The following SPAG11B variants were observed in gnomAD, a reference collection of about 807,000 sequenced individuals.
The protein encoded by SPAG11B is sperm associated antigen 11B.
In SPAG11B, 5 loss-of-function variants were observed where a neutral mutation model predicts 8.9. The observed-to-expected ratio is 0.56, with a 90% CI of 0.29 to 1.19. The LOEUF (loss-of-function observed/expected upper bound fraction) is 1.19, where lower values mean the gene tolerates loss of function less well. Ranked by LOEUF, SPAG11B falls within the 50% of genes most tolerant of loss-of-function variation. The pLI, the probability that SPAG11B is intolerant of heterozygous loss-of-function variation, is 0.08. For missense variants in SPAG11B, 38 were observed against 146.4 expected (o/e 0.26, Z 3.82); for synonymous variants, 12 against 53.0 (o/e 0.23, Z 3.36).
intron 2 of SPAG11B, among the ~76,000 whole-genome samples, chr8:7,458,735 G>A (rs1222174301): frequency 2.6e-5 from 3 of 117,192 alleles, no homozygotes; most frequent in Non-Finnish European, 5.1e-5. Flanking sequence ...CTGCAAAGTA[G>A]AGAACAAAAG....
At chr8:7,451,701 G>C (rs544973724) in intron 2 of SPAG11B, among the ~76,000 whole-genome samples, 1 of 112,812 alleles carries the variant, frequency 8.9e-6, no homozygotes, top group South Asian at 3.2e-4. Flanking sequence ...CAGCCTGGAA[G>C]CGTGGAGACC....
At chr8:7,451,755 T>C (rs1467826933) in intron 2 of SPAG11B, among the ~76,000 whole-genome samples, 5 of 151,668 alleles carry the variant, frequency 3.3e-5, no homozygotes, top group African/African-American at 1.2e-4. Context: ...TATGTCTCCT[T>C]AGACAACTCA....
At position 7,450,888 on chromosome 8, in the gene SPAG11B, G is replaced by T; in HGVS notation, c.227C>A (p.Pro76Gln). Residue 76 changes from proline (P) to glutamine (Q), a missense_variant, in exon 3 of 3, where the codon CCG becomes CAG. Coordinates refer to ENST00000398462, the MANE Select transcript of SPAG11B (RefSeq NM_058201.4). The part of the protein sequence containing the change: ...RTPPYQGDVP[P>Q]GIRNTICHMQ... ...ATGGCAGATGGTATTTCTAATTCCC[G>T]GTGGAACATCCCCTATGGATACAAC... The T allele has an allele frequency of 6.4e-7, 1 of 1,551,912 alleles. No homozygotes were observed. Among genetic ancestry groups the T allele is most frequent in the Non-Finnish European group, 8.8e-7 (1 of 1,140,284 alleles).
intron 2 of SPAG11B, among the ~76,000 whole-genome samples, chr8:7,453,393 C>T (rs1416563559): frequency 1.3e-5 from 2 of 149,198 alleles, no homozygotes; most frequent in African/African-American, 2.5e-5. Flanking sequence ...CTCCTATCCC[C>T]CTGGGCTTCA....
At chr8:7,453,540 G>C (rs1197510756) in intron 2 of SPAG11B, among the ~76,000 whole-genome samples, 4 of 148,536 alleles carry the variant, frequency 2.7e-5, no homozygotes, top group Non-Finnish European at 5.9e-5. Context: ...TATATTACTT[G>C]TTATAGCTTG....
At chr8:7,450,093 C>T (rs1392444665), downstream of SPAG11B, among the ~76,000 whole-genome samples, 2 of 125,952 alleles carry the variant, frequency 1.6e-5, no homozygotes, top group Non-Finnish European at 3.4e-5. Flanking sequence ...ACTGAGAATG[C>T]CATTTATGAA....
chr8:7,449,417 T>C (rs562177776), downstream of SPAG11B, among the ~76,000 whole-genome samples: 1 of 146,624 alleles, frequency 6.8e-6, no homozygotes, highest in Non-Finnish European at 1.5e-5. Flanking sequence ...CTGCCAGTTC[T>C]GAGGCATGCA....
At chr8:7,457,208 A>G (rs1810495377) in intron 2 of SPAG11B, among the ~76,000 whole-genome samples, 1 of 150,002 alleles carries the variant, frequency 6.7e-6, no homozygotes, top group Non-Finnish European at 1.5e-5. Context: ...ATGCAACTTA[A>G]GTCTACAACA....
intron 2 of SPAG11B, among the ~76,000 whole-genome samples, chr8:7,453,618 C>T (rs1183788967): frequency 6.7e-6 from 1 of 150,364 alleles, no homozygotes; most frequent in African/African-American, 2.5e-5. Context: ...CGTTATTTAA[C>T]CAGTCTACAA....
At chr8:7,448,084 C>T (rs1405307260), downstream of SPAG11B, 1 of 1,020,110 alleles carries the variant, frequency 9.8e-7, no homozygotes. Context: ...CTGACAATGC[C>T]TCAATAAATA....
At chr8:7,448,302 CAAAAAAAAAAAA>C (rs71221492), downstream of SPAG11B, among the ~76,000 whole-genome samples, 21 of 48,854 alleles carry the variant, frequency 4.3e-4, no homozygotes, top group Non-Finnish European at 5.0e-4. Flanking sequence ...AACAAGTGGT[CAAAAAAAAAAAA>C]AAAAAAAAAA....
chr8:7,452,054 T>C (rs1314868426), intron 2 of SPAG11B, among the ~76,000 whole-genome samples: 3 of 122,736 alleles, frequency 2.4e-5, no homozygotes, highest in Non-Finnish European at 5.0e-5. Context: ...CATACCCCTT[T>C]GTCTTGTGTC....
rs1351686094 is a variant in SPAG11B at position 7,459,540 on chromosome 8, G to A, written c.214+3167C>T. 2.5e-4 allele frequency among the ~76,000 whole-genome samples: 37 copies of A among 148,942 alleles called. 1 individual carries two copies. The highest frequency in any genetic ancestry group is 3.4e-4 in the Admixed American group (5 of 14,884). On this transcript the variant is annotated intron_variant, in intron 2 of 2. Coordinates refer to ENST00000398462, the MANE Select transcript of SPAG11B (RefSeq NM_058201.4). ...TGGGAAGAGCTGAGACACACTCCCC[G>A]CACAATCCCTATCCCAGACATAACA... is the stretch of plus-strand genomic sequence containing the variant.
chr8:7,450,999 G>A, intron 2 of SPAG11B, 99 bp from the exon 3 acceptor site: 1 of 1,520,612 alleles, frequency 6.6e-7, no homozygotes, highest in Non-Finnish European at 8.9e-7. Flanking sequence ...TTCTGACAAG[G>A]CTAAGTACTT....
intron 2 of SPAG11B, among the ~76,000 whole-genome samples, chr8:7,451,772 T>G (rs1204599240): frequency 7.2e-5 from 11 of 151,746 alleles, no homozygotes; most frequent in African/African-American, 2.7e-4. Context: ...CTCATTTAAC[T>G]GGTTACACTT....
chr8:7,449,473 C>G (rs1563339304), downstream of SPAG11B, among the ~76,000 whole-genome samples: 1 of 149,448 alleles, frequency 6.7e-6, no homozygotes, highest in Non-Finnish European at 1.5e-5. Context: ...GGGGCCAATG[C>G]CCTTCAGGAA....
intron 2 of SPAG11B, among the ~76,000 whole-genome samples, chr8:7,451,744 T>G: frequency 6.6e-6 from 1 of 151,338 alleles, no homozygotes; most frequent in Non-Finnish European, 1.5e-5. Flanking sequence ...CAATATCTCA[T>G]TATGTCTCCT....
At chr8:7,447,947 C>A, downstream of SPAG11B, 3 of 1,076,598 alleles carry the variant, frequency 2.8e-6, 1 homozygote. Flanking sequence ...TGAAGCCGAT[C>A]CACCTGGGCC....
At chr8:7,447,803 C>G, downstream of SPAG11B, 1 of 370,642 alleles carries the variant, frequency 2.7e-6, no homozygotes, top group Non-Finnish European at 4.8e-6. Flanking sequence ...GAGGATCATA[C>G]TCCGGTCTCT....
Sources: gnomAD v4.1 joint callset for allele counts (sites outside exome capture counted in the v4.1 genomes callset) on GRCh38, gnomAD v4.1.1 for gene constraint, MANE v1.5 for transcripts, NCBI Gene and HGNC (gene_info 2026-07-23, HGNC 2026-07-21) for gene names.